The following IFRD2 variants were observed in gnomAD, a reference collection of about 807,000 sequenced individuals.
The protein encoded by IFRD2 is interferon related developmental regulator 2, also known as interferon-related developmental regulator 2.
A neutral mutation model predicts 49.2 loss-of-function variants in IFRD2; 35 were observed. That is an observed-to-expected ratio of 0.71 (90% confidence interval 0.54 to 0.94). The LOEUF (loss-of-function observed/expected upper bound fraction) is 0.94, where lower values mean the gene tolerates loss of function less well. Among genes scored for constraint, IFRD2 ranks in the 40% least tolerant of loss-of-function variants. The pLI, the probability that IFRD2 is intolerant of heterozygous loss-of-function variation, is 0.00. For synonymous variants in IFRD2, 275 were observed against 239.7 expected (o/e 1.15, Z -1.36); for missense variants, 561 against 591.6 (o/e 0.95, Z 0.54).
intron 1 of IFRD2, 161 bp downstream of exon 1, chr3:50,292,056 T>G (rs1553709875): frequency 1.6e-5 from 12 of 760,830 alleles, no homozygotes. Context: ...ACGTGGCCAA[T>G]GACTGCTGGG....
Position 50,290,023 on chromosome 3 carries a change from G to T in IFRD2, c.452C>A (p.Pro151His). The change falls in exon 5 of 12, where the codon CCT becomes CAT. Residue 151 changes from proline (P) to histidine (H), a missense_variant. Physicochemically the swap from Pro to His is moderately conservative, Grantham distance 77. Coordinates refer to ENST00000417626, the MANE Select transcript of IFRD2 (RefSeq NM_006764.5). ...VLGLLCVQLG[P>H]GPKGEELFHS... ...AAACAGCTCCTCACCCTTAGGTCCA[G>T]GGCCCAGCTGCACGCAGAGCAGGCC... 1.9e-6 allele frequency: 3 copies of T among 1,613,546 alleles called. No homozygotes were observed. Among genetic ancestry groups the T allele is most frequent in the South Asian group, 2.2e-5 (2 of 90,978 alleles).
In IFRD2 at chr3:50,292,419, C is replaced by G; in HGVS notation, c.-145G>C. ...CACGCGCGCCACCATCTTCGCGAGG[C>G]GCCCCGCCCTGCCAAACAGGTCGCC... On this transcript the variant is annotated 5_prime_UTR_variant, in exon 1 of 12. Coordinates refer to ENST00000417626, the MANE Select transcript of IFRD2 (RefSeq NM_006764.5). 6.3e-7 allele frequency: 1 copy of G among 1,597,254 alleles called. No individual in the cohort carries two copies. Among genetic ancestry groups the G allele is most frequent in the Non-Finnish European group, 8.5e-7 (1 of 1,177,952 alleles).
chr3:50,290,079 G>T lies in IFRD2; in HGVS notation c.396C>A (p.Gly132=), dbSNP rs782710960. ...CAGCAGCAGCCAGGGCTTGTTCCTCGCCCTTCCCTGTGGGATGCTTTCCAG... is the reference window on the plus strand; with the variant it reads ...CAGCAGCAGCCAGGGCTTGTTCCTCTCCCTTCCCTGTGGGATGCTTTCCAG... ...ALEKCLKKGK[G]EEQALAAAVL... is the part of the protein sequence containing the mutation. The change falls in exon 5 of 12, where the codon GGC becomes GGA. Residue 132 remains glycine (G), a synonymous_variant. Transcript: ENST00000417626. The T allele has an allele frequency of 3.1e-6, 5 of 1,613,534 alleles. No individual in the cohort carries two copies. Among genetic ancestry groups the T allele is most frequent in the South Asian group, 1.1e-5 (1 of 91,016 alleles).
At chr3:50,290,755 T>C in intron 1 of IFRD2, 76 bp from the exon 2 acceptor site, 1 of 1,549,700 alleles carries the variant, frequency 6.5e-7, no homozygotes, top group East Asian at 2.3e-5. Context: ...CTCGACCTCA[T>C]AATCCCAAAA....
rs1553709141 is a variant in IFRD2 at position 50,288,957 on chromosome 3, G to A, written c.886-20C>T. On this transcript the variant is annotated intron_variant, in intron 8 of 11. Transcript: ENST00000417626. ...CTCCTCCTGCAATGGGAGCATTGGA[G>A]GGTGTGTGGTAGATGCTTGAGCTCT... 1 of 1,609,492 alleles carries A rather than the reference G, an allele frequency of 6.2e-7. No homozygotes were observed. Among genetic ancestry groups the A allele is most frequent in the Non-Finnish European group, 8.5e-7 (1 of 1,177,478 alleles).
rs587632448 is a variant in IFRD2 at position 50,287,929 on chromosome 3, T to C, written c.*262A>G. ...GGAAAGGAAGGGAAAGGCCCCCTAG[T>C]GCCTGCCCCACAGCCCTGAGGAAGG... On this transcript the variant is annotated 3_prime_UTR_variant, in exon 12 of 12. Transcript: ENST00000417626. 1.9e-4 allele frequency: 88 copies of C among 472,020 alleles called. 1 individual carries two copies. The South Asian group carries it at 2.3e-3, about 13-fold the overall frequency. 29.2% of individuals were successfully genotyped at this position (472,020 alleles called of 1,614,324 possible).
In IFRD2 at chr3:50,289,352, G is replaced by C; in HGVS notation, c.788C>G (p.Pro263Arg). 2 of 1,597,768 alleles carry C rather than the reference G, an allele frequency of 1.3e-6. No homozygotes were observed. The highest frequency in any genetic ancestry group is 3.3e-4 in the Middle Eastern group (2 of 6,046). ...QISHILDRQL[P>R]RLPQLLSSES... Reference sequence around the variant, plus strand: ...ACTGGACAAGAGCTGGGGCAGCCGGGGCAGCTGCCTAGGGAAGGGGCAGGC... The same window carrying C: ...ACTGGACAAGAGCTGGGGCAGCCGGCGCAGCTGCCTAGGGAAGGGGCAGGC... The change falls in exon 8 of 12, where the codon CCC becomes CGC. Residue 263 changes from proline to arginine, a missense_variant. Coordinates refer to ENST00000417626, the MANE Select transcript of IFRD2 (RefSeq NM_006764.5).
At chr3:50,289,783 C>T in intron 5 of IFRD2, 21 bp from the exon 6 acceptor site, 1 of 1,596,064 alleles carries the variant, frequency 6.3e-7, no homozygotes, top group Non-Finnish European at 8.5e-7. Context: ...AAGGGCAATG[C>T]AATGCCACGG....
intron 1 of IFRD2, 63 bp downstream of exon 1, chr3:50,292,154 G>C: frequency 7.0e-7 from 1 of 1,418,762 alleles, no homozygotes; most frequent in Non-Finnish European, 9.2e-7. Context: ...AACAACCAAG[G>C]GGATCCAGCA....
At position 50,288,888 on chromosome 3, in the gene IFRD2, G is replaced by A. The variant is rs937730470; in HGVS notation, c.935C>T (p.Thr312Ile). 3 of 1,613,510 alleles carry A rather than the reference G, an allele frequency of 1.9e-6. No individual in the cohort carries two copies. Among genetic ancestry groups the A allele is most frequent in the African/African-American group, 1.3e-5 (1 of 75,068 alleles). The change falls in exon 9 of 12, where the codon ACT becomes ATT. Residue 312 changes from threonine to isoleucine, a missense_variant. Coordinates refer to ENST00000417626, the MANE Select transcript of IFRD2 (RefSeq NM_006764.5). Reference sequence around the variant, plus strand: ...GTACTTGTTACTGTCAGTGGCCAGAGTGCGCAGGACACTGCAGAGGGCCTC... The same window carrying A: ...GTACTTGTTACTGTCAGTGGCCAGAATGCGCAGGACACTGCAGAGGGCCTC... ...DMEALCSVLR[T>I]LATDSNKYRA...
At chr3:50,289,884 G>C in intron 5 of IFRD2, 45 bp downstream of exon 5, 1 of 1,609,720 alleles carries the variant, frequency 6.2e-7, no homozygotes, top group Non-Finnish European at 8.5e-7. Context: ...ACTCTGCTGA[G>C]GGATAAGGTG....
At position 50,288,395 on chromosome 3, in the gene IFRD2, C is replaced by G. The variant is rs782526934; in HGVS notation, c.1248+14G>C. On this transcript the variant is annotated intron_variant, in intron 11 of 11. Coordinates refer to ENST00000417626, the MANE Select transcript of IFRD2 (RefSeq NM_006764.5). ...GGGAATAGGGGGAAGAGAAAGGTGC[C>G]CAAGGGTGCAAACCTTCTCAAAGCG... The G allele has an allele frequency of 1.1e-5, 18 of 1,610,098 alleles. No homozygotes were observed. Among genetic ancestry groups the G allele is most frequent in the Non-Finnish European group, 1.4e-5 (16 of 1,178,124 alleles).
In IFRD2 at chr3:50,292,300, G is replaced by T. The variant is rs782335840; in HGVS notation, c.-26C>A. On this transcript the variant is annotated 5_prime_UTR_variant, in exon 1 of 12. Coordinates refer to ENST00000417626, the MANE Select transcript of IFRD2 (RefSeq NM_006764.5). The stretch of plus-strand genomic sequence containing the variant: ...GCCGGGAACCGGGCGCGGGGGGCGC[G>T]GGGTCAGGGACCCGGTGGGTGTGGG... 1 of 1,557,472 alleles carries T rather than the reference G, an allele frequency of 6.4e-7. No individual in the cohort carries two copies. The highest frequency in any genetic ancestry group is 8.7e-7 in the Non-Finnish European group (1 of 1,155,016).
rs1553709522 is a variant in IFRD2 at position 50,290,102 on chromosome 3, C to T, written c.389-16G>A. 5 of 1,612,978 alleles carry T rather than the reference C, an allele frequency of 3.1e-6. No homozygotes were observed. The highest frequency in any genetic ancestry group is 1.3e-5 in the African/African-American group (1 of 74,930). On this transcript the variant is annotated splice_polypyrimidine_tract_variant and intron_variant, in intron 4 of 11. Transcript: ENST00000417626. The stretch of plus-strand genomic sequence containing the variant: ...TCGCCCTTCCCTGTGGGATGCTTTC[C>T]AGTCAGCCCATGCAGCAAGGGCCAG...
In IFRD2 at chr3:50,290,276, AC is replaced by A; in HGVS notation, c.281del (p.Gly94ValfsTer10). On this transcript the variant is annotated frameshift_variant, in exon 4 of 12. Coordinates refer to ENST00000417626, the MANE Select transcript of IFRD2 (RefSeq NM_006764.5). LOFTEE classifies it high-confidence loss of function. The stretch of plus-strand genomic sequence containing the variant: ...GGGCCAGGCGCAGGCTCTCAAGAGC[AC>A]CCTGCCGGGTCTTGGCACTGGGGGA... The part of the protein sequence containing the change: ...LTDKSAKTRQ[G>X]ALESLRLALA... The A allele has an allele frequency of 1.2e-6, 2 of 1,611,266 alleles. No individual in the cohort carries two copies. Among genetic ancestry groups the A allele is most frequent in the Non-Finnish European group, 1.7e-6 (2 of 1,178,762 alleles).
rs782085044 is a variant in IFRD2 at position 50,288,662 on chromosome 3, T to C, written c.1073A>G (p.Tyr358Cys). ...CCGGTGCCGAGCCCAGCTGTCCATGTAGAGCACCTCAAAGCCGAAGCGCAC... is the reference window on the plus strand; with the variant it reads ...CCGGTGCCGAGCCCAGCTGTCCATGCAGAGCACCTCAAAGCCGAAGCGCAC... ...EIVRFGFEVLYMDSWARHRIY... is the reference protein window; with the variant it reads ...EIVRFGFEVLCMDSWARHRIY... Residue 358 changes from tyrosine (Y) to cysteine (C), a missense_variant, in exon 10 of 12, where the codon TAC (tyrosine) becomes TGC (cysteine). Tyr to Cys is a radical substitution (Grantham distance 194). Coordinates refer to ENST00000417626, the MANE Select transcript of IFRD2 (RefSeq NM_006764.5). 16 of 1,613,154 alleles carry C rather than the reference T, an allele frequency of 9.9e-6. No homozygotes were observed. Among genetic ancestry groups the C allele is most frequent in the African/African-American group, 1.3e-5 (1 of 74,740 alleles).
Position 50,292,311 on chromosome 3 carries a change from C to G in IFRD2, c.-37G>C, listed in dbSNP as rs761834148. On this transcript the variant is annotated 5_prime_UTR_variant, in exon 1 of 12. Transcript: ENST00000417626. ...GGCGCGGGGGGCGCGGGGTCAGGGA[C>G]CCGGTGGGTGTGGGCTCCAGGCCAA... is the stretch of plus-strand genomic sequence containing the variant. The G allele has an allele frequency of 2.2e-4, 343 of 1,566,122 alleles. 1 individual carries two copies. Among genetic ancestry groups the G allele is most frequent in the East Asian group, 9.6e-4 (41 of 42,528 alleles).
Position 50,292,309 on chromosome 3 carries a change from G to A in IFRD2, c.-35C>T, listed in dbSNP as rs1343321943. On this transcript the variant is annotated 5_prime_UTR_variant, in exon 1 of 12. Transcript: ENST00000417626. The stretch of plus-strand genomic sequence containing the variant: ...CGGGCGCGGGGGGCGCGGGGTCAGG[G>A]ACCCGGTGGGTGTGGGCTCCAGGCC... 13 of 1,565,170 alleles carry A rather than the reference G, an allele frequency of 8.3e-6. No individual in the cohort carries two copies. Among genetic ancestry groups the A allele is most frequent in the African/African-American group, 2.7e-5 (2 of 73,712 alleles).
At chr3:50,288,758 G>C (rs1490107103) in intron 9 of IFRD2, 42 bp downstream of exon 9, 2 of 1,611,762 alleles carry the variant, frequency 1.2e-6, no homozygotes, top group Non-Finnish European at 1.7e-6. Flanking sequence ...TGCTATGCCT[G>C]GGGGTGCACC....
Sources: gnomAD v4.1 joint callset for allele counts on GRCh38, gnomAD v4.1.1 for gene constraint, MANE v1.5 for transcripts, NCBI Gene and HGNC (gene_info 2026-07-23, HGNC 2026-07-21) for gene names.